YLPM1: variants seen among roughly 807,000 people sequenced by gnomAD.
YLPM1 encodes the protein YLP motif-containing protein 1.
A neutral mutation model predicts 230.0 loss-of-function variants in YLPM1; 99 were observed. The ratio of observed to expected loss-of-function variants is 0.43; its 90% CI spans 0.37 to 0.51. The LOEUF (loss-of-function observed/expected upper bound fraction) is 0.51, where lower values mean the gene tolerates loss of function less well. Among genes scored for constraint, YLPM1 ranks in the 20% least tolerant of loss-of-function variants. YLPM1 has a pLI of 0.00. For synonymous variants in YLPM1, 984 were observed against 942.5 expected (o/e 1.04, Z -0.81); for missense variants, 2,592 against 2,707.7 (o/e 0.96, Z 0.95).
chr14:74,780,099 C>T (rs1001511659), intron 2 of YLPM1, among the ~76,000 whole-genome samples: 10 of 151,952 alleles, frequency 6.6e-5, no homozygotes, highest in South Asian at 2.1e-4. Flanking sequence ...CCATGGTGCC[C>T]GGCCTGGGAC....
rs373458184 is a variant in YLPM1, at chr14:74,798,941, G to T, written c.3644G>T (p.Arg1215Leu). The T allele has an allele frequency of 1.2e-6, 2 of 1,613,756 alleles. No homozygotes were observed. Among genetic ancestry groups the T allele is most frequent in the African/African-American group, 1.3e-5 (1 of 74,902 alleles). The change falls in exon 5 of 21, where the codon CGA (arginine) becomes CTA (leucine). Residue 1215 changes from arginine to leucine, a missense_variant. Arg to Leu is a moderately radical substitution (Grantham distance 102, BLOSUM62 -2). Coordinates refer to ENST00000325680, the MANE Select transcript of YLPM1 (RefSeq NM_019589.3). ...GATGGTAGAAATGCTCCAATGGAAC[G>T]AGAAAGACTCGATGACTGGGATAGA... is the stretch of plus-strand genomic sequence containing the variant. ...PLDGRNAPMERERLDDWDRER... is the reference protein window; with the variant it reads ...PLDGRNAPMELERLDDWDRER...
In YLPM1 at chr14:74,799,078, C is replaced by T. The variant is rs1486690104; in HGVS notation, c.3781C>T (p.Arg1261Ter). Residue 1261 changes from arginine (R) to a stop codon, truncating the protein, a stop_gained, in exon 5 of 21, where the codon CGA becomes TGA. Coordinates refer to ENST00000325680, the MANE Select transcript of YLPM1 (RefSeq NM_019589.3). LOFTEE classifies it high-confidence loss of function. ...PPSRSHDGDRRGPWWDDWERD... is the reference protein window; with the variant it reads ...PPSRSHDGDR ...ATCTCGGTCTCATGATGGAGATAGGCGAGGCCCTTGGTGGGATGATTGGGA... is the reference window on the plus strand; with the variant it reads ...ATCTCGGTCTCATGATGGAGATAGGTGAGGCCCTTGGTGGGATGATTGGGA... 3 of 1,613,612 alleles carry T rather than the reference C, an allele frequency of 1.9e-6. No individual in the cohort carries two copies. Among genetic ancestry groups the T allele is most frequent in the Non-Finnish European group, 2.5e-6 (3 of 1,179,830 alleles).
chr14:74,791,159 T>C (rs764759539), intron 4 of YLPM1, among the ~76,000 whole-genome samples: 1 of 152,082 alleles, frequency 6.6e-6, no homozygotes, highest in African/African-American at 2.4e-5. Flanking sequence ...TCCCAGCTAC[T>C]CGGGGGACTG....
chr14:74,799,310 C>G lies in YLPM1; in HGVS notation c.4013C>G (p.Pro1338Arg), dbSNP rs1437728929. The change falls in exon 5 of 21, where the codon CCA (proline) becomes CGA (arginine). Residue 1338 changes from proline (P) to arginine (R), a missense_variant. By Grantham distance (103) the Pro-to-Arg change is moderately radical (BLOSUM62 -2). This residue lies in a region of YLPM1 where 1,862 missense variants were observed against 1,819.8 expected (regional missense o/e 1.02). Coordinates refer to ENST00000325680, the MANE Select transcript of YLPM1 (RefSeq NM_019589.3). ...TCTCTTCCACCTTTACCGCCCCTCC[C>G]ACCTCTTCCACCTTTGGATAGATAT... is the stretch of plus-strand genomic sequence containing the variant. ...IPSLPPLPPL[P>R]PLPPLDRYRD... 1.2e-6 allele frequency: 2 copies of G among 1,613,884 alleles called. No homozygotes were observed. Among genetic ancestry groups the G allele is most frequent in the Admixed American group, 3.3e-5 (2 of 60,006 alleles).
intron 4 of YLPM1, among the ~76,000 whole-genome samples, chr14:74,795,149 T>C (rs1229425115): frequency 1.3e-5 from 2 of 152,344 alleles, no homozygotes; most frequent in Middle Eastern, 3.4e-3. Flanking sequence ...ACCTGTATTG[T>C]GCAATAGTCA....
intron 4 of YLPM1, among the ~76,000 whole-genome samples, 153 bp downstream of exon 4, chr14:74,782,478 T>C (rs1205105303): frequency 6.6e-6 from 1 of 152,236 alleles, no homozygotes; most frequent in African/African-American, 2.4e-5. Flanking sequence ...ACGTATGTAA[T>C]CTAGAAAAGG....
At position 74,835,022 on chromosome 14, in the gene YLPM1, G is replaced by A. The variant is rs1321994890; in HGVS notation, c.6295-243G>A. 4 of 397,294 alleles carry A rather than the reference G, an allele frequency of 1.0e-5. No individual in the cohort carries two copies. The South Asian group carries it at 2.0e-4, about 20-fold the overall frequency. The allele number at this position is 397,294 out of a possible 1,614,324, so 24.6% of individuals were successfully genotyped here. ...ATAAAAAGGAATGGCAGAGGAGAAA[G>A]AGAGGACAGGATTGAGCTGAACTGT... is the stretch of plus-strand genomic sequence containing the variant. On this transcript the variant is annotated intron_variant, in intron 19 of 20. Coordinates refer to ENST00000325680, the MANE Select transcript of YLPM1 (RefSeq NM_019589.3).
intron 2 of YLPM1, among the ~76,000 whole-genome samples, chr14:74,779,587 CAAAAAAAGAA>C (rs2091073343): frequency 6.8e-6 from 1 of 147,440 alleles, no homozygotes; most frequent in Non-Finnish European, 1.5e-5. Flanking sequence ...TGAAAAGTGA[CAAAAAAAGAA>C]ACGGATTTTT....
intron 19 of YLPM1, among the ~76,000 whole-genome samples, chr14:74,830,786 C>T (rs960812975): frequency 1.3e-5 from 2 of 152,156 alleles, no homozygotes; most frequent in African/African-American, 2.4e-5. Context: ...CTCCTTTTAA[C>T]AACCAGATCT....
At chr14:74,772,151 A>G (rs1457118075) in intron 1 of YLPM1, among the ~76,000 whole-genome samples, 1 of 151,918 alleles carries the variant, frequency 6.6e-6, no homozygotes, top group African/African-American at 2.4e-5. Flanking sequence ...ATCATTTAGT[A>G]TCTAGTTCAT....
intron 11 of YLPM1, 33 bp from the exon 12 acceptor site, chr14:74,816,170 A>ATTTTTTTTTTTTTT: frequency 1.4e-6 from 2 of 1,401,076 alleles, no homozygotes; most frequent in Admixed American, 2.5e-5. Context: ...TCTCTCAGTG[A>ATTTTTTTTTTTTTT]TTTTTTTTTT....
intron 4 of YLPM1, among the ~76,000 whole-genome samples, chr14:74,796,115 A>G (rs1418357650): frequency 1.3e-5 from 2 of 152,226 alleles, no homozygotes; most frequent in Non-Finnish European, 2.9e-5. Flanking sequence ...GTGTCTAGCT[A>G]CAGGAGGCCT....
intron 4 of YLPM1, among the ~76,000 whole-genome samples, chr14:74,784,422 T>A (rs2091126785): frequency 6.6e-6 from 1 of 152,190 alleles, no homozygotes; most frequent in African/African-American, 2.4e-5. Flanking sequence ...TTCCTCTTAG[T>A]GATATCAGGA....
intron 4 of YLPM1, among the ~76,000 whole-genome samples, chr14:74,790,501 C>T (rs1405188277): frequency 6.6e-6 from 1 of 152,056 alleles, no homozygotes; most frequent in African/African-American, 2.4e-5. Context: ...TGTATAACTG[C>T]ATCATACCTC....
chr14:74,781,249 A>T, intron 3 of YLPM1, 85 bp from the exon 4 acceptor site: 2 of 1,398,220 alleles, frequency 1.4e-6, no homozygotes, highest in East Asian at 5.0e-5. Context: ...AAAGCGTCAA[A>T]TGCCCTTGAT....
In YLPM1 at chr14:74,809,502, A is replaced by ACCTCCACCT. The variant is rs770046843; in HGVS notation, c.4655_4663dup (p.Pro1552_Pro1554dup). 2 of 1,582,372 alleles carry ACCTCCACCT rather than the reference A, an allele frequency of 1.3e-6. No individual in the cohort carries two copies. The highest frequency in any genetic ancestry group is 1.7e-6 in the Non-Finnish European group (2 of 1,163,746). On this transcript the variant is annotated inframe_insertion, in exon 7 of 21. Transcript: ENST00000325680. ...CCAGGCCACCTGTCCCAATACCACC[A>ACCTCCACCT]CCTCCACCTCCTCCACCTCTACCTC...
At chr14:74,816,355 C>G (rs975501123) in intron 12 of YLPM1, 90 bp downstream of exon 12, 5 of 1,389,374 alleles carry the variant, frequency 3.6e-6, no homozygotes, top group Admixed American at 2.0e-5. Flanking sequence ...AACATAATGC[C>G]AATAGAATTG....
intron 6 of YLPM1, among the ~76,000 whole-genome samples, chr14:74,807,501 G>A (rs1034897571): frequency 2.0e-5 from 3 of 152,110 alleles, no homozygotes; most frequent in African/African-American, 7.2e-5. Flanking sequence ...GGGCAACATA[G>A]CAAGACCCCG....
rs190418068 is a variant in YLPM1, at chr14:74,810,266, C to T, written c.5074C>T (p.Arg1692Cys). ...QRDRYDRERDREPYFDRQSNV... is the reference protein window; with the variant it reads ...QRDRYDRERDCEPYFDRQSNV... ...TGATCGTTATGATAGAGAAAGAGAT[C>T]GTGAGCCTTATTTTGATCGTCAAAG... is the stretch of plus-strand genomic sequence containing the variant. The change falls in exon 9 of 21, where the codon CGT (arginine) becomes TGT (cysteine). Residue 1692 changes from arginine to cysteine, a missense_variant. Arg to Cys is a radical substitution (Grantham distance 180). Around this residue, in one of 4 missense-constraint regions of YLPM1, gnomAD observed 403 missense variants for 426.7 expected, o/e 0.94. Coordinates refer to ENST00000325680, the MANE Select transcript of YLPM1 (RefSeq NM_019589.3). The T allele has an allele frequency of 4.3e-5, 69 of 1,613,638 alleles. No homozygotes were observed. Among genetic ancestry groups the T allele is most frequent in the East Asian group, 2.7e-4 (12 of 44,862 alleles).
Sources: gnomAD v4.1 joint callset for allele counts (sites outside exome capture counted in the v4.1 genomes callset) on GRCh38, gnomAD v4.1.1 for gene constraint, gnomAD v4.1.1 regional missense constraint, MANE v1.5 for transcripts, NCBI Gene and HGNC (gene_info 2026-07-23, HGNC 2026-07-21) for gene names.